The following VPS13B variants were observed in gnomAD, a reference collection of about 807,000 sequenced individuals.
The protein encoded by VPS13B is vacuolar protein sorting 13 homolog B.
VPS13B carries 285 observed loss-of-function variants against 426.4 expected under a neutral mutation model. The observed-to-expected ratio is 0.67, with a 90% CI of 0.61 to 0.74. The LOEUF (loss-of-function observed/expected upper bound fraction) is 0.74. VPS13B is among the 30% of genes least tolerant of loss of function. The pLI is 0.00. For synonymous variants in VPS13B, 1,676 were observed against 1,676.4 expected (o/e 1.00, Z 0.01); for missense variants, 4,537 against 4,782.6 (o/e 0.95, Z 1.51).
chr8:99,397,389 C>T lies in VPS13B; in HGVS notation c.3082+5685C>T, dbSNP rs185508947. ...CGATCTCTTGACCTCGTGATCTGCC[C>T]GCCTCGGCGTTCCAAAGTGCTGGGA... On this transcript the variant is annotated intron_variant, in intron 21 of 61. Coordinates refer to ENST00000357162, the MANE Select transcript of VPS13B (RefSeq NM_152564.5). 3.1e-4 allele frequency among the ~76,000 whole-genome samples: 47 copies of T among 152,244 alleles called. No homozygotes were observed. The East Asian group carries it at 8.1e-3, about 26-fold the overall frequency.
chr8:99,617,607 G>A (rs763300491), intron 33 of VPS13B, among the ~76,000 whole-genome samples: 11 of 152,256 alleles, frequency 7.2e-5, no homozygotes, highest in South Asian at 2.1e-4. Flanking sequence ...GACTACAGGC[G>A]TGAGCCACCA....
At chr8:99,198,487 A>C (rs1377309630) in intron 17 of VPS13B, among the ~76,000 whole-genome samples, 1 of 151,746 alleles carries the variant, frequency 6.6e-6, no homozygotes, top group Non-Finnish European at 1.5e-5. Context: ...ACTTTTCTGA[A>C]TTTATAAAAT....
At chr8:99,126,095 A>G (rs1848177217) in intron 8 of VPS13B, among the ~76,000 whole-genome samples, 1 of 152,294 alleles carries the variant, frequency 6.6e-6, no homozygotes, top group South Asian at 2.1e-4. Context: ...GGAAAGTCTG[A>G]TGATCTCTAA....
At chr8:99,142,912 T>C in intron 12 of VPS13B, 62 bp from the exon 13 acceptor site, 1 of 1,522,478 alleles carries the variant, frequency 6.6e-7, no homozygotes, top group Non-Finnish European at 8.9e-7. Context: ...GAAGAGCGAT[T>C]TTAAAATATT....
At chr8:99,611,245 T>C (rs1415330577) in intron 33 of VPS13B, among the ~76,000 whole-genome samples, 3 of 152,154 alleles carry the variant, frequency 2.0e-5, no homozygotes, top group Admixed American at 2.0e-4. Context: ...TTCCTTCCTA[T>C]AGAAAATATA....
chr8:99,808,663 T>A (rs1260585735), intron 43 of VPS13B, among the ~76,000 whole-genome samples: 1 of 151,976 alleles, frequency 6.6e-6, no homozygotes. Context: ...CTGCAGTTAG[T>A]GGGTAAGAGT....
chr8:99,764,070 T>G (rs1563906002), intron 39 of VPS13B, among the ~76,000 whole-genome samples: 1 of 152,210 alleles, frequency 6.6e-6, no homozygotes, highest in South Asian at 2.1e-4. Flanking sequence ...AGATCCCATT[T>G]TGTCCTCAAA....
At chr8:99,524,310 G>T (rs1822532923) in intron 30 of VPS13B, among the ~76,000 whole-genome samples, 1 of 152,180 alleles carries the variant, frequency 6.6e-6, no homozygotes, top group Non-Finnish European at 1.5e-5. Flanking sequence ...GGAGTAGAAA[G>T]TTCATTCAAA....
At chr8:99,421,318 G>C (rs1816358437) in intron 21 of VPS13B, among the ~76,000 whole-genome samples, 1 of 152,206 alleles carries the variant, frequency 6.6e-6, no homozygotes, top group African/African-American at 2.4e-5. Context: ...CATTTGAAAT[G>C]AGATTGCGAT....
In VPS13B at chr8:99,642,499, G is replaced by GT. The variant is rs587777381; in HGVS notation, c.5908+2dup. 1.2e-6 allele frequency: 2 copies of GT among 1,610,652 alleles called. No homozygotes were observed. Among genetic ancestry groups the GT allele is most frequent in the Non-Finnish European group, 1.7e-6 (2 of 1,178,858 alleles). ...GTGGCCTCTGATTACAAATGTATAG[G>GT]TAAGAACCTTCAAACTTACTGGAGT... On this transcript the variant is annotated splice_donor_variant, in intron 34 of 61. Coordinates refer to ENST00000357162, the MANE Select transcript of VPS13B (RefSeq NM_152564.5). LOFTEE classifies it high-confidence loss of function.
intron 39 of VPS13B, among the ~76,000 whole-genome samples, chr8:99,760,204 C>T (rs966337729): frequency 1.3e-5 from 2 of 151,976 alleles, no homozygotes; most frequent in African/African-American, 4.8e-5. Context: ...AGGCTGGTCT[C>T]GAACTTGTGA....
At chr8:99,541,978 G>A (rs1823646232) in intron 30 of VPS13B, among the ~76,000 whole-genome samples, 1 of 152,150 alleles carries the variant, frequency 6.6e-6, no homozygotes, top group Non-Finnish European at 1.5e-5. Flanking sequence ...TTTCTACAGG[G>A]AAAAGTTTTC....
At chr8:99,189,615 A>G (rs1245054061) in intron 16 of VPS13B, among the ~76,000 whole-genome samples, 1 of 152,030 alleles carries the variant, frequency 6.6e-6, no homozygotes, top group Non-Finnish European at 1.5e-5. Flanking sequence ...CTGATTATGT[A>G]TATTTTATAT....
rs386834058 is a variant in VPS13B at position 99,861,778 on chromosome 8, AC to A, written c.11050del (p.Leu3684SerfsTer61). The part of the protein sequence containing the change: ...TSFVKHISKG[T>X]LTSITNLATS... Reference sequence around the variant, plus strand: ...ACCCCATGCTCTTGTTCCCTCAGGTACCCTCACATCCATCACCAACCTCGCC... The same window carrying A: ...ACCCCATGCTCTTGTTCCCTCAGGTACCTCACATCCATCACCAACCTCGCC... On this transcript the variant is annotated frameshift_variant, in exon 58 of 62. Transcript: ENST00000357162. LOFTEE classifies it high-confidence loss of function. 2 of 1,592,694 alleles carry A rather than the reference AC, an allele frequency of 1.3e-6. No homozygotes were observed. The highest frequency in any genetic ancestry group is 1.7e-6 in the Non-Finnish European group (2 of 1,169,580).
intron 4 of VPS13B, among the ~76,000 whole-genome samples, chr8:99,098,309 G>A (rs1846535072): frequency 6.6e-6 from 1 of 151,940 alleles, no homozygotes. Flanking sequence ...TTAACATTGT[G>A]GTGTACAACC....
chr8:99,742,902 T>C (rs1350760907), intron 39 of VPS13B, among the ~76,000 whole-genome samples: 2 of 151,784 alleles, frequency 1.3e-5, no homozygotes, highest in African/African-American at 4.8e-5. Flanking sequence ...AGCACTCTGT[T>C]TGAAAACTGG....
chr8:99,266,806 A>G (rs1379057928), intron 17 of VPS13B, among the ~76,000 whole-genome samples: 1 of 152,006 alleles, frequency 6.6e-6, no homozygotes, highest in Admixed American at 6.6e-5. Flanking sequence ...TGTGAAGAGG[A>G]TTAGTTTGTT....
chr8:99,739,813 C>G (rs1400798855), intron 39 of VPS13B, among the ~76,000 whole-genome samples: 1 of 152,114 alleles, frequency 6.6e-6, no homozygotes, highest in African/African-American at 2.4e-5. Flanking sequence ...ACACCAAAAC[C>G]CCATCTGTAC....
At chr8:99,493,780 T>TAAAAAA (rs376555643) in intron 25 of VPS13B, among the ~76,000 whole-genome samples, 27 of 60,826 alleles carry the variant, frequency 4.4e-4, no homozygotes, top group African/African-American at 5.8e-4. Context: ...AGACTCTATC[T>TAAAAAA]AAAAAAAAAA....
Sources: gnomAD v4.1 joint callset for allele counts (sites outside exome capture counted in the v4.1 genomes callset) on GRCh38, gnomAD v4.1.1 for gene constraint, MANE v1.5 for transcripts, NCBI Gene and HGNC (gene_info 2026-07-23, HGNC 2026-07-21) for gene names.